The following GRIN2A variants were observed in gnomAD, a reference collection of about 807,000 sequenced individuals.
GRIN2A encodes the protein glutamate receptor ionotropic, NMDA 2A.
In GRIN2A, 22 loss-of-function variants were observed where a neutral mutation model predicts 113.4. The ratio of observed to expected loss-of-function variants is 0.19; its 90% CI spans 0.14 to 0.28. The LOEUF (loss-of-function observed/expected upper bound fraction) is 0.28. Among genes scored for constraint, GRIN2A ranks in the 10% least tolerant of loss-of-function variants. The pLI is 1.00. For synonymous variants in GRIN2A, 827 were observed against 738.4 expected (o/e 1.12, Z -1.94); for missense variants, 1,502 against 1,887.0 (o/e 0.80, Z 3.78).
At chr16:9,792,008 A>G (rs1363562918) in intron 11 of GRIN2A, among the ~76,000 whole-genome samples, 5 of 152,034 alleles carry the variant, frequency 3.3e-5, no homozygotes, top group African/African-American at 4.8e-5. Context: ...AACAATCTAG[A>G]TGAGTCTTTA....
chr16:9,977,697 T>A (rs985885392), intron 2 of GRIN2A, among the ~76,000 whole-genome samples: 13 of 152,078 alleles, frequency 8.5e-5, no homozygotes, highest in Non-Finnish European at 5.9e-5. Flanking sequence ...CTCCTCCTCA[T>A]ATCCCATATG....
intron 2 of GRIN2A, among the ~76,000 whole-genome samples, chr16:10,158,641 C>G (rs1011718857): frequency 2.5e-4 from 38 of 152,160 alleles, no homozygotes; most frequent in African/African-American, 9.2e-4. Flanking sequence ...ACCTTGAAAA[C>G]ATTATGCTAA....
intron 2 of GRIN2A, among the ~76,000 whole-genome samples, chr16:9,967,233 T>C (rs766575950): frequency 4.6e-5 from 7 of 152,136 alleles, no homozygotes; most frequent in Non-Finnish European, 8.8e-5. Context: ...GAAAATGTGG[T>C]AGATATACAC....
At chr16:9,966,784 A>C (rs2045563723) in intron 2 of GRIN2A, among the ~76,000 whole-genome samples, 2 of 152,212 alleles carry the variant, frequency 1.3e-5, no homozygotes, top group South Asian at 4.1e-4. Context: ...TTGTTAAAAC[A>C]CAGACTGACA....
intron 3 of GRIN2A, among the ~76,000 whole-genome samples, chr16:9,897,054 A>G (rs1479672893): frequency 1.3e-5 from 2 of 152,176 alleles, no homozygotes; most frequent in Admixed American, 6.5e-5. Context: ...ATCAGGAGCA[A>G]TAAGTACACA....
intron 2 of GRIN2A, among the ~76,000 whole-genome samples, chr16:9,968,262 T>TTGTATGTATGTA (rs71157795): frequency 5.3e-5 from 8 of 150,258 alleles, no homozygotes; most frequent in South Asian, 2.1e-4. Context: ...CTCTATTGAC[T>TTGTATGTATGTA]TGTATGTATG....
intron 2 of GRIN2A, among the ~76,000 whole-genome samples, chr16:10,043,940 C>T (rs1051373917): frequency 2.7e-5 from 4 of 146,166 alleles, no homozygotes; most frequent in Non-Finnish European, 6.0e-5. Flanking sequence ...TGTATATATA[C>T]ACACATATAT....
chr16:10,037,891 T>C (rs972553541), intron 2 of GRIN2A, among the ~76,000 whole-genome samples: 1 of 152,112 alleles, frequency 6.6e-6, no homozygotes, highest in African/African-American at 2.4e-5. Flanking sequence ...ATTGTTGAGA[T>C]TACAGGCATG....
intron 2 of GRIN2A, among the ~76,000 whole-genome samples, chr16:10,116,211 A>G (rs2048725717): frequency 6.6e-6 from 1 of 152,184 alleles, no homozygotes; most frequent in Non-Finnish European, 1.5e-5. Flanking sequence ...CAACAAACCA[A>G]CACAGGAACA....
In GRIN2A at chr16:9,955,103, G is replaced by A. The variant is rs548859502; in HGVS notation, c.415-16552C>T. ...GCCATTTGCCTGAGTCAAGGCGAGG[G>A]TTTCACTCTCTCAACAGCCTGAGCT... is the stretch of plus-strand genomic sequence containing the variant. On this transcript the variant is annotated intron_variant, in intron 2 of 12. Coordinates refer to ENST00000330684, the MANE Select transcript of GRIN2A (RefSeq NM_001134407.3). Among the ~76,000 whole-genome samples the A allele has an allele frequency of 2.0e-4, 30 of 152,268 alleles. No individual in the cohort carries two copies. In the South Asian group the frequency reaches 5.6e-3, roughly 28 times the overall value.
Position 9,952,147 on chromosome 16 carries a change from A to G in GRIN2A, c.415-13596T>C, listed in dbSNP as rs2141675773. ...CACTGGCCTCCAAGCCTCACCCAGA[A>G]AGAAAGTCATGGAGCCACAGAGCTC... On this transcript the variant is annotated intron_variant, in intron 2 of 12. Transcript: ENST00000330684. Among the ~76,000 whole-genome samples the G allele has an allele frequency of 1.3e-5, 2 of 152,266 alleles. 1 individual carries two copies. Among genetic ancestry groups the G allele is most frequent in the South Asian group, 4.2e-4 (2 of 4,814 alleles).
chr16:10,155,230 G>C (rs2049664884), intron 2 of GRIN2A, among the ~76,000 whole-genome samples: 1 of 152,336 alleles, frequency 6.6e-6, no homozygotes, highest in South Asian at 2.1e-4. Flanking sequence ...TCAGGGATTT[G>C]TGCAGCCAGG....
At position 9,840,627 on chromosome 16, in the gene GRIN2A, T is replaced by C. The variant is rs1289695669; in HGVS notation, c.1651+20A>G. 6.2e-7 allele frequency: 1 copy of C among 1,608,216 alleles called. No individual in the cohort carries two copies. The highest frequency in any genetic ancestry group is 1.1e-5 in the South Asian group (1 of 90,952). On this transcript the variant is annotated intron_variant, in intron 7 of 12. Coordinates refer to ENST00000330684, the MANE Select transcript of GRIN2A (RefSeq NM_001134407.3). ...ACAATTCCTTATAGGAAAGCAATAG[T>C]CACTATGAAATTCACACACCTAGAA...
chr16:9,859,192 AACAC>A (rs138447535), intron 4 of GRIN2A, among the ~76,000 whole-genome samples: 2 of 151,788 alleles, frequency 1.3e-5, no homozygotes, highest in South Asian at 4.2e-4. Context: ...TCGTCACACT[AACAC>A]ACACACACAT....
chr16:9,861,465 C>G (rs2043066606), intron 4 of GRIN2A, among the ~76,000 whole-genome samples: 1 of 152,212 alleles, frequency 6.6e-6, no homozygotes, highest in Admixed American at 6.5e-5. Context: ...GACACACAAA[C>G]AAACCGATCA....
chr16:10,116,609 T>C (rs905122592), intron 2 of GRIN2A, among the ~76,000 whole-genome samples: 2 of 152,088 alleles, frequency 1.3e-5, no homozygotes, highest in African/African-American at 4.8e-5. Flanking sequence ...TGGAAGGTGA[T>C]CACAGGAAGT....
intron 2 of GRIN2A, among the ~76,000 whole-genome samples, chr16:9,966,612 G>T (rs1015386220): frequency 6.6e-6 from 1 of 152,078 alleles, no homozygotes; most frequent in African/African-American, 2.4e-5. Context: ...ATAATAGAAC[G>T]ATCTATATTC....
At chr16:9,929,644 C>G (rs1489911205) in intron 3 of GRIN2A, among the ~76,000 whole-genome samples, 1 of 152,154 alleles carries the variant, frequency 6.6e-6, no homozygotes, top group East Asian at 1.9e-4. Flanking sequence ...TAGCAGGCAT[C>G]AGAGTAATAG....
intron 3 of GRIN2A, chr16:9,937,725 G>C (rs530106841): frequency 1.8e-5 from 10 of 555,062 alleles, no homozygotes; most frequent in Non-Finnish European, 3.2e-5. Flanking sequence ...AGGTTTCCAA[G>C]ATATATTGTT....
Sources: allele counts gnomAD v4.1 joint callset (sites outside exome capture counted in the v4.1 genomes callset), GRCh38; gene constraint gnomAD v4.1.1; transcripts MANE v1.5; gene names NCBI Gene and HGNC (gene_info 2026-07-23, HGNC 2026-07-21).